CTNNA3: variants seen among roughly 807,000 people sequenced by gnomAD.
CTNNA3 encodes the protein catenin alpha-3.
In CTNNA3, 76 loss-of-function variants were observed where a neutral mutation model predicts 95.7. The observed-to-expected ratio is 0.79, with a 90% CI of 0.66 to 0.96. CTNNA3 has a LOEUF of 0.96. CTNNA3 is among the 40% of genes least tolerant of loss of function. The pLI, the probability that CTNNA3 is intolerant of heterozygous loss-of-function variation, is 0.00. For synonymous variants in CTNNA3, 431 were observed against 374.4 expected, an observed-to-expected ratio of 1.15 and a Z score of -1.74; for missense variants, 1,191 against 1,089.8, an observed-to-expected ratio of 1.09 and a Z score of -1.31.
chr10:67,558,663 C>A (rs1206672852), intron 3 of CTNNA3, among the ~76,000 whole-genome samples: 1 of 152,148 alleles, frequency 6.6e-6, no homozygotes, highest in Admixed American at 6.5e-5. Flanking sequence ...GTGCACTGTG[C>A]GCGAGCCAAA....
chr10:66,000,096 A>G (rs952121189), intron 15 of CTNNA3, among the ~76,000 whole-genome samples: 5 of 152,310 alleles, frequency 3.3e-5, no homozygotes, highest in Admixed American at 6.5e-5. Context: ...TAATAAAGAT[A>G]ATTTTAAAAC....
At chr10:66,672,743 C>T (rs1386337821) in intron 9 of CTNNA3, among the ~76,000 whole-genome samples, 1 of 151,968 alleles carries the variant, frequency 6.6e-6, no homozygotes, top group Non-Finnish European at 1.5e-5. Flanking sequence ...GAGCAACACC[C>T]ACTATCTTAA....
At position 66,170,199 on chromosome 10, in the gene CTNNA3, A is replaced by C. The variant is rs955277639; in HGVS notation, c.1885-66950T>G. On this transcript the variant is annotated intron_variant, in intron 13 of 17. Coordinates refer to ENST00000433211, the MANE Select transcript of CTNNA3 (RefSeq NM_013266.4). ...TCCATCCTGAGTTGATTTTTGTATA[A>C]GGTGAGAGATGAGAATCCAGTTGCA... 2.0e-5 allele frequency among the ~76,000 whole-genome samples: 3 copies of C among 147,718 alleles called. No homozygotes were observed. The South Asian group carries it at 6.4e-4, about 31-fold the overall frequency.
chr10:66,812,749 G>C (rs1162393820), intron 7 of CTNNA3, among the ~76,000 whole-genome samples: 1 of 152,046 alleles, frequency 6.6e-6, no homozygotes, highest in Non-Finnish European at 1.5e-5. Flanking sequence ...TCTCTGGCTT[G>C]CTTTCTTCAT....
intron 5 of CTNNA3, among the ~76,000 whole-genome samples, chr10:67,374,821 T>C (rs981169306): frequency 1.3e-5 from 2 of 152,136 alleles, no homozygotes; most frequent in Non-Finnish European, 2.9e-5. Flanking sequence ...TTGGCTTGTC[T>C]TAAAACTATT....
intron 7 of CTNNA3, among the ~76,000 whole-genome samples, chr10:67,062,740 A>G (rs1166419160): frequency 6.6e-6 from 1 of 152,144 alleles, no homozygotes; most frequent in Non-Finnish European, 1.5e-5. Flanking sequence ...AGAATTTCTT[A>G]CCAGCATGGT....
intron 15 of CTNNA3, among the ~76,000 whole-genome samples, chr10:66,053,213 T>A: frequency 7.3e-6 from 1 of 136,718 alleles, no homozygotes; most frequent in African/African-American, 2.5e-5. Flanking sequence ...TATTTTATTT[T>A]TGTTTTTAAA....
At chr10:67,003,363 A>G (rs941390406) in intron 7 of CTNNA3, among the ~76,000 whole-genome samples, 1 of 152,146 alleles carries the variant, frequency 6.6e-6, no homozygotes, top group Non-Finnish European at 1.5e-5. Flanking sequence ...AGCTTCACAT[A>G]CTGTACAAAG....
intron 5 of CTNNA3, among the ~76,000 whole-genome samples, chr10:67,260,653 G>A (rs530967910): frequency 4.6e-5 from 7 of 151,556 alleles, no homozygotes; most frequent in African/African-American, 9.7e-5. Context: ...AACATGCTAC[G>A]TGACTTTCAC....
chr10:67,739,845 G>A (rs1223662727), intron 1 of CTNNA3, among the ~76,000 whole-genome samples: 24 of 152,218 alleles, frequency 1.6e-4, no homozygotes, highest in African/African-American at 3.9e-4. Context: ...AGGCCGCATC[G>A]CCAAGTCAAT....
intron 7 of CTNNA3, among the ~76,000 whole-genome samples, chr10:67,111,215 G>T (rs1374552859): frequency 6.6e-6 from 1 of 152,140 alleles, no homozygotes; most frequent in African/African-American, 2.4e-5. Context: ...AAGAGGAAAA[G>T]CTTACATTAA....
At chr10:66,611,021 A>G (rs539640630) in intron 10 of CTNNA3, among the ~76,000 whole-genome samples, 2 of 152,262 alleles carry the variant, frequency 1.3e-5, no homozygotes, top group South Asian at 4.1e-4. Flanking sequence ...ATTGAACTGG[A>G]GGTCACTATG....
intron 5 of CTNNA3, among the ~76,000 whole-genome samples, chr10:67,496,590 G>A (rs1204693558): frequency 1.3e-5 from 2 of 152,120 alleles, no homozygotes; most frequent in African/African-American, 4.8e-5. Flanking sequence ...GATTAAGAAG[G>A]ATTTCATATA....
In CTNNA3 at chr10:66,829,162, C is replaced by T. The variant is rs117635916; in HGVS notation, c.1048-53638G>A. ...CTCTGGTACAACACCTTGTAAACTC[C>T]CTTTATGGAAAGCAAGTTCTAAGGG... On this transcript the variant is annotated intron_variant, in intron 7 of 17. Coordinates refer to ENST00000433211, the MANE Select transcript of CTNNA3 (RefSeq NM_013266.4). Among the ~76,000 whole-genome samples, 1,307 of 152,278 alleles carry T rather than the reference C, an allele frequency of 8.6e-3. 8 individuals are homozygous for T. The highest frequency in any genetic ancestry group is 0.047 in the South Asian group (226 of 4,822).
intron 7 of CTNNA3, among the ~76,000 whole-genome samples, chr10:66,963,608 C>A (rs1849240251): frequency 6.6e-6 from 1 of 152,106 alleles, no homozygotes; most frequent in African/African-American, 2.4e-5. Context: ...TGGGTTCACC[C>A]TAACCCTGAC....
At chr10:67,634,162 T>A (rs1394006750) in intron 2 of CTNNA3, among the ~76,000 whole-genome samples, 1 of 152,088 alleles carries the variant, frequency 6.6e-6, no homozygotes, top group Non-Finnish European at 1.5e-5. Context: ...CAGAAGAGAT[T>A]GGGGGCCAAT....
intron 9 of CTNNA3, among the ~76,000 whole-genome samples, chr10:66,746,694 A>T (rs1260211017): frequency 2.0e-5 from 3 of 152,164 alleles, no homozygotes; most frequent in Non-Finnish European, 4.4e-5. Context: ...GTCTCTCTAC[A>T]CAAAAATTGT....
At chr10:66,246,064 A>T (rs1273346363) in intron 13 of CTNNA3, among the ~76,000 whole-genome samples, 1 of 152,172 alleles carries the variant, frequency 6.6e-6, no homozygotes, top group Non-Finnish European at 1.5e-5. Flanking sequence ...TATGGCCCAA[A>T]GGTGGGGCCT....
chr10:66,164,582 C>A (rs1184324480), intron 13 of CTNNA3, among the ~76,000 whole-genome samples: 1 of 151,236 alleles, frequency 6.6e-6, no homozygotes, highest in African/African-American at 2.4e-5. Context: ...GCCAAATTAA[C>A]AACACAGAGT....
Sources: gnomAD v4.1 joint callset for allele counts (sites outside exome capture counted in the v4.1 genomes callset) on GRCh38, gnomAD v4.1.1 for gene constraint, MANE v1.5 for transcripts, NCBI Gene and HGNC (gene_info 2026-07-23, HGNC 2026-07-21) for gene names.